The following ZNF570 variants were observed in gnomAD, a reference collection of about 807,000 sequenced individuals.
ZNF570 encodes the protein zinc finger protein 570.
In ZNF570, 8 loss-of-function variants were observed where a neutral mutation model predicts 14.2. The observed-to-expected ratio is 0.56, with a 90% CI of 0.33 to 1.02. The LOEUF is 1.02. Among genes scored for constraint, ZNF570 ranks in the 50% least tolerant of loss-of-function variants. ZNF570 has a pLI of 0.03. For synonymous variants in ZNF570, 202 were observed against 207.6 expected, an observed-to-expected ratio of 0.97 and a Z score of 0.23; for missense variants, 559 against 624.9, an observed-to-expected ratio of 0.89 and a Z score of 1.12.
chr19:37,476,344 T>C lies in ZNF570; in HGVS notation c.166T>C (p.Cys56Arg), dbSNP rs762132996. 1.1e-5 allele frequency: 17 copies of C among 1,613,540 alleles called. No homozygotes were observed. The highest frequency in any genetic ancestry group is 5.9e-6 in the Non-Finnish European group (7 of 1,179,908). The change falls in exon 4 of 5, where the codon TGC becomes CGC. Residue 56 changes from cysteine (C) to arginine (R), a missense_variant. Coordinates refer to ENST00000330173, the MANE Select transcript of ZNF570 (RefSeq NM_144694.5). ...TTTTTTTTTCGTATTTGCAGGACTT[T>C]GCTTTTCCAAACCAAGTGTGATATT... ...NYRILVSLGL[C>R]FSKPSVILLL...
chr19:37,484,896 A>G lies in ZNF570; in HGVS notation c.1274A>G (p.Gln425Arg), dbSNP rs2042135161. 1 of 1,614,000 alleles carries G rather than the reference A, an allele frequency of 6.2e-7. No individual in the cohort carries two copies. The highest frequency in any genetic ancestry group is 1.3e-5 in the African/African-American group (1 of 74,900). Reference protein sequence around the residue: ...KCQECRKAFSQIAYLAQHQRV... With the variant: ...KCQECRKAFSRIAYLAQHQRV... ...CAGGAATGTAGGAAAGCATTCAGCC[A>G]GATTGCCTACCTTGCTCAGCATCAA... The change falls in exon 5 of 5, where the codon CAG becomes CGG. Residue 425 changes from glutamine to arginine, a missense_variant. Gln to Arg is a conservative substitution (Grantham distance 43, BLOSUM62 1). Transcript: ENST00000330173.
In ZNF570 at chr19:37,476,030, CTG is replaced by C. The variant is rs1568766171; in HGVS notation, c.160+24_160+25del. 4 of 1,581,270 alleles carry C rather than the reference CTG, an allele frequency of 2.5e-6. No individual in the cohort carries two copies. The South Asian group carries it at 3.5e-5, about 14-fold the overall frequency. On this transcript the variant is annotated intron_variant, in intron 3 of 4. Coordinates refer to ENST00000330173, the MANE Select transcript of ZNF570 (RefSeq NM_144694.5). ...TGGGTAAGGATATCTTCTTGCAAAA[CTG>C]AGCTTCTGCTCAAAAGGGGCTCTTT...
chr19:37,481,413 A>G (rs960584432), intron 4 of ZNF570, among the ~76,000 whole-genome samples: 1 of 152,184 alleles, frequency 6.6e-6, no homozygotes, highest in Non-Finnish European at 1.5e-5. Context: ...TCAGCCTCCC[A>G]AAGTGCTGGG....
rs190862088 is a variant in ZNF570, at chr19:37,478,760, G to C, written c.256+2326G>C. 1.1e-4 allele frequency among the ~76,000 whole-genome samples: 17 copies of C among 151,446 alleles called. 1 individual carries two copies. The highest frequency in any genetic ancestry group is 2.2e-4 in the Non-Finnish European group (15 of 67,610). ...AACAAATGTTTTTCTCCATCTGTGGGTGATTTTTACCTCTTAATAGGTTTT... is the reference window on the plus strand; with the variant it reads ...AACAAATGTTTTTCTCCATCTGTGGCTGATTTTTACCTCTTAATAGGTTTT... On this transcript the variant is annotated intron_variant, in intron 4 of 4. Transcript: ENST00000330173.
At chr19:37,473,766 T>C (rs528042611) in intron 2 of ZNF570, among the ~76,000 whole-genome samples, 1 of 152,178 alleles carries the variant, frequency 6.6e-6, no homozygotes, top group Admixed American at 6.5e-5. Flanking sequence ...GATATCGAAG[T>C]GACCAAAGAA....
At position 37,484,891 on chromosome 19, in the gene ZNF570, C is replaced by T. The variant is rs916961961; in HGVS notation, c.1269C>T (p.Phe423=). Residue 423 remains phenylalanine (F), a synonymous_variant, in exon 5 of 5, where the codon TTC becomes TTT. Transcript: ENST00000330173. ...PYKCQECRKA[F]SQIAYLAQHQ... ...AGTGTCAGGAATGTAGGAAAGCATT[C>T]AGCCAGATTGCCTACCTTGCTCAGC... 9.9e-6 allele frequency: 16 copies of T among 1,613,712 alleles called. No homozygotes were observed. The highest frequency in any genetic ancestry group is 1.4e-5 in the Non-Finnish European group (16 of 1,179,988).
At chr19:37,471,857 T>C (rs1444017182) in intron 2 of ZNF570, among the ~76,000 whole-genome samples, 1 of 151,728 alleles carries the variant, frequency 6.6e-6, no homozygotes, top group Admixed American at 6.6e-5. Flanking sequence ...TTGCTTAAGC[T>C]AAACATCTTC....
chr19:37,482,274 T>C (rs1475445210), intron 4 of ZNF570, among the ~76,000 whole-genome samples: 2 of 152,198 alleles, frequency 1.3e-5, no homozygotes, highest in African/African-American at 4.8e-5. Context: ...TACCTGAGAC[T>C]GGGTAATTTC....
At position 37,475,934 on chromosome 19, in the gene ZNF570, T is replaced by C. The variant is rs2042018261; in HGVS notation, c.87T>C (p.Asp29=). The change falls in exon 3 of 5, where the codon GAT becomes GAC. Residue 29 remains aspartate, a synonymous_variant. Transcript: ENST00000330173. ...VAVDFSQEEW[D]CLDSSQRHLY... ...TAGACTTCTCCCAAGAGGAATGGGATTGTCTGGATTCTTCTCAAAGACATC... is the reference window on the plus strand; with the variant it reads ...TAGACTTCTCCCAAGAGGAATGGGACTGTCTGGATTCTTCTCAAAGACATC... 1.9e-6 allele frequency: 3 copies of C among 1,613,894 alleles called. No homozygotes were observed. Among genetic ancestry groups the C allele is most frequent in the Non-Finnish European group, 2.5e-6 (3 of 1,179,966 alleles).
upstream of ZNF570, chr19:37,469,123 G>C: frequency 9.3e-7 from 1 of 1,075,262 alleles, no homozygotes; most frequent in Non-Finnish European, 1.1e-6. Flanking sequence ...GGCCAGGCTC[G>C]GAGCTGCAGG....
upstream of ZNF570, among the ~76,000 whole-genome samples, chr19:37,468,470 C>G (rs10420754): frequency 0.27 from 41,308 of 151,904 alleles, 7,023 homozygotes; most frequent in African/African-American, 0.47. Context: ...GGGCAAAGCG[C>G]ACGGATCATT....
chr19:37,471,413 CTA>C (rs2041962974), intron 2 of ZNF570, among the ~76,000 whole-genome samples: 1 of 152,300 alleles, frequency 6.6e-6, no homozygotes, highest in African/African-American at 2.4e-5. Context: ...CTTCCTCACT[CTA>C]GTCTCTAACC....
intron 2 of ZNF570, among the ~76,000 whole-genome samples, chr19:37,473,786 T>C (rs2041995671): frequency 6.6e-6 from 1 of 152,166 alleles, no homozygotes; most frequent in African/African-American, 2.4e-5. Context: ...ATGATAGGAA[T>C]GGCATTGAAG....
chr19:37,468,070 TG>T (rs1444780587), upstream of ZNF570: 3 of 687,674 alleles, frequency 4.4e-6, no homozygotes, highest in Non-Finnish European at 6.8e-6. Context: ...ATGCCTTTCG[TG>T]TTTTTTTTTT....
chr19:37,468,708 A>G (rs113781745), upstream of ZNF570, among the ~76,000 whole-genome samples: 2 of 151,982 alleles, frequency 1.3e-5, no homozygotes, highest in African/African-American at 4.8e-5. Flanking sequence ...GGGTTTCACC[A>G]TGTTGGTCAG....
chr19:37,469,275 C>T (rs147792930), upstream of ZNF570: 12,824 of 1,408,356 alleles, frequency 9.1e-3, 79 homozygotes, highest in Non-Finnish European at 0.011. Flanking sequence ...TTTTCTACTC[C>T]GGACTACGTT....
chr19:37,484,139 C>A lies in ZNF570; in HGVS notation c.517C>A (p.Gln173Lys), dbSNP rs147476601. ...ATATAAATCTTGGGGAAGTTTTCATCAGAACCCACTGCTTTGTACACAAAA... is the reference window on the plus strand; with the variant it reads ...ATATAAATCTTGGGGAAGTTTTCATAAGAACCCACTGCTTTGTACACAAAA... ...QEYKSWGSFH[Q>K]NPLLCTQKII... The change falls in exon 5 of 5, where the codon CAG becomes AAG. Residue 173 changes from glutamine (Q) to lysine (K), a missense_variant. Coordinates refer to ENST00000330173, the MANE Select transcript of ZNF570 (RefSeq NM_144694.5). The A allele has an allele frequency of 2.0e-4, 325 of 1,613,932 alleles. No homozygotes were observed. The African/African-American group carries it at 3.4e-3, about 17-fold the overall frequency.
At position 37,484,761 on chromosome 19, in the gene ZNF570, A is replaced by C; in HGVS notation, c.1139A>C (p.His380Pro). 6.2e-7 allele frequency: 1 copy of C among 1,614,166 alleles called. No homozygotes were observed. Among genetic ancestry groups the C allele is most frequent in the Non-Finnish European group, 8.5e-7 (1 of 1,180,032 alleles). The change falls in exon 5 of 5, where the codon CAT becomes CCT. Residue 380 changes from histidine (H) to proline (P), a missense_variant. His to Pro is a moderately conservative substitution (Grantham distance 77). Transcript: ENST00000330173. The part of the protein sequence containing the change: ...RAYLTVHQRI[H>P]TGERPYECKE... ...TACCTTACTGTACATCAGAGAATAC[A>C]TACTGGAGAGAGACCCTATGAATGT...
chr19:37,468,060 A>C, upstream of ZNF570: 1 of 760,050 alleles, frequency 1.3e-6, no homozygotes, highest in Non-Finnish European at 2.1e-6. Context: ...TAACTTCTCT[A>C]TGCCTTTCGT....
Sources: gnomAD v4.1 joint callset for allele counts (sites outside exome capture counted in the v4.1 genomes callset) on GRCh38, gnomAD v4.1.1 for gene constraint, MANE v1.5 for transcripts, NCBI Gene and HGNC (gene_info 2026-07-23, HGNC 2026-07-21) for gene names.